Variants in DLG1 observed in about 807,000 individuals in gnomAD.
DLG1 encodes disks large homolog 1.
A neutral mutation model predicts 123.4 loss-of-function variants in DLG1; 42 were observed. The ratio of observed to expected loss-of-function variants is 0.34; its 90% CI spans 0.27 to 0.44. The LOEUF is 0.44. DLG1 is among the 20% of genes least tolerant of loss of function. The pLI is 1.00. For synonymous variants in DLG1, 317 were observed against 356.2 expected (o/e 0.89, Z 1.24); for missense variants, 942 against 1,082.6 (o/e 0.87, Z 1.82).
Position 197,058,705 on chromosome 3 carries a change from C to T in DLG1, c.2483+1184G>A, listed in dbSNP as rs149559543. ...GATGAGTGCAGTGTTTAACAGATGT[C>T]AAATAGGTAAAGTTTTAAATTTGTG... is the stretch of plus-strand genomic sequence containing the variant. On this transcript the variant is annotated intron_variant, in intron 23 of 24. Transcript: ENST00000667157. 6.2e-3 allele frequency among the ~76,000 whole-genome samples: 942 copies of T among 152,294 alleles called. 6 individuals are homozygous for T. The highest frequency in any genetic ancestry group is 0.021 in the South Asian group (103 of 4,828).
At chr3:197,139,387 T>C (rs951826788) in intron 8 of DLG1, among the ~76,000 whole-genome samples, 2 of 152,184 alleles carry the variant, frequency 1.3e-5, no homozygotes, top group African/African-American at 4.8e-5. Flanking sequence ...CAGTGAGAAT[T>C]ATAAAGCTTA....
chr3:197,250,637 CA>C (rs1172867234), intron 4 of DLG1, among the ~76,000 whole-genome samples: 2 of 150,548 alleles, frequency 1.3e-5, no homozygotes, highest in African/African-American at 2.4e-5. Flanking sequence ...ATAATAGCTA[CA>C]AAGAATATAA....
chr3:197,069,486 G>T, intron 18 of DLG1: 1 of 344,674 alleles, frequency 2.9e-6, no homozygotes, highest in Admixed American at 4.7e-5. Context: ...CACAGTTTAT[G>T]AACAAATCTA....
chr3:197,261,224 G>A (rs1759299944), intron 4 of DLG1, among the ~76,000 whole-genome samples: 1 of 152,162 alleles, frequency 6.6e-6, no homozygotes, highest in African/African-American at 2.4e-5. Context: ...CATGGCAGAG[G>A]GATATGCAAC....
chr3:197,060,223 A>G (rs879040471), intron 22 of DLG1, among the ~76,000 whole-genome samples: 1 of 152,244 alleles, frequency 6.6e-6, no homozygotes, highest in Admixed American at 6.5e-5. Context: ...TTTAAAAAGG[A>G]ATGAAAATAC....
chr3:197,267,235 A>G (rs934457593), intron 4 of DLG1, among the ~76,000 whole-genome samples: 1 of 152,250 alleles, frequency 6.6e-6, no homozygotes, highest in Non-Finnish European at 1.5e-5. Flanking sequence ...AGGAAAACCA[A>G]CAGGTCAAAT....
rs1462409075 is a variant in DLG1, at chr3:197,288,553, C to T, written c.152-5708G>A. 7.4e-5 allele frequency among the ~76,000 whole-genome samples: 11 copies of T among 149,176 alleles called. 1 individual carries two copies. Among genetic ancestry groups the T allele is most frequent in the Non-Finnish European group, 1.3e-4 (9 of 67,388 alleles). Reference sequence around the variant, plus strand: ...CCTGACCAACATGAAGAAACCCTGTCTGTATTAAAAATACAAAATTAGCCA... The same window carrying T: ...CCTGACCAACATGAAGAAACCCTGTTTGTATTAAAAATACAAAATTAGCCA... On this transcript the variant is annotated intron_variant, in intron 3 of 24. Coordinates refer to ENST00000667157, the MANE Select transcript of DLG1 (RefSeq NM_001366207.1).
chr3:197,146,493 C>G (rs1167051337), intron 6 of DLG1, among the ~76,000 whole-genome samples: 5 of 152,064 alleles, frequency 3.3e-5, no homozygotes, highest in African/African-American at 1.2e-4. Flanking sequence ...AGAAATAAAG[C>G]CAAATACTTA....
intron 19 of DLG1, among the ~76,000 whole-genome samples, chr3:197,067,353 C>T (rs1740308556): frequency 6.6e-6 from 1 of 151,786 alleles, no homozygotes; most frequent in Admixed American, 6.6e-5. Flanking sequence ...AAACTAAATC[C>T]TTCCAAGAAA....
intron 4 of DLG1, among the ~76,000 whole-genome samples, chr3:197,261,997 T>C (rs1320195865): frequency 2.6e-5 from 4 of 152,218 alleles, no homozygotes; most frequent in Non-Finnish European, 5.9e-5. Context: ...TGGTATAATA[T>C]GAAATATATT....
intron 4 of DLG1, among the ~76,000 whole-genome samples, chr3:197,266,234 G>A (rs979440980): frequency 3.3e-5 from 5 of 152,038 alleles, no homozygotes; most frequent in South Asian, 4.2e-4. Flanking sequence ...AAGGAAACAC[G>A]ATCCAGAGAA....
intron 24 of DLG1, among the ~76,000 whole-genome samples, chr3:197,049,608 T>C (rs1194438194): frequency 2.6e-5 from 4 of 152,106 alleles, no homozygotes; most frequent in Non-Finnish European, 5.9e-5. Flanking sequence ...CAAAATTAGC[T>C]GGGCATGGTG....
chr3:197,297,125 A>G (rs1777815889), intron 2 of DLG1, 61 bp downstream of exon 2: 7 of 1,598,458 alleles, frequency 4.4e-6, no homozygotes, highest in Non-Finnish European at 4.3e-6. Flanking sequence ...ACGGCAATCA[A>G]AAAACTGACA....
chr3:197,275,030 T>G (rs1351813239), intron 4 of DLG1, among the ~76,000 whole-genome samples: 1 of 151,758 alleles, frequency 6.6e-6, no homozygotes, highest in Non-Finnish European at 1.5e-5. Context: ...TAAAAATATT[T>G]AAAAAATTAG....
At chr3:197,259,706 C>T (rs1044127652) in intron 4 of DLG1, among the ~76,000 whole-genome samples, 4 of 152,120 alleles carry the variant, frequency 2.6e-5, no homozygotes, top group Non-Finnish European at 4.4e-5. Flanking sequence ...GCATGCTGCA[C>T]TTTGAACACA....
chr3:197,234,710 T>A (rs1745048339), intron 4 of DLG1, among the ~76,000 whole-genome samples: 1 of 151,636 alleles, frequency 6.6e-6, no homozygotes, highest in Non-Finnish European at 1.5e-5. Context: ...ATAAAAGGGG[T>A]TATATATATA....
chr3:197,277,506 A>G (rs1458612389), intron 4 of DLG1, among the ~76,000 whole-genome samples: 7 of 151,966 alleles, frequency 4.6e-5, no homozygotes, highest in African/African-American at 1.7e-4. Flanking sequence ...ACACCTGGCT[A>G]ATTTTTGTAT....
At chr3:197,136,444 T>C (rs1785089123) in intron 10 of DLG1, 98 bp downstream of exon 10, 1 of 941,646 alleles carries the variant, frequency 1.1e-6, no homozygotes, top group Non-Finnish European at 1.6e-6. Flanking sequence ...AATTTAAACA[T>C]CATTTAGACC....
At chr3:197,163,691 T>G (rs1799853534) in intron 5 of DLG1, among the ~76,000 whole-genome samples, 1 of 56,608 alleles carries the variant, frequency 1.8e-5, no homozygotes, top group African/African-American at 7.6e-5. Flanking sequence ...TCAGCTATTT[T>G]TTTTTTTTTT....
Sources: allele counts gnomAD v4.1 joint callset (sites outside exome capture counted in the v4.1 genomes callset), GRCh38; gene constraint gnomAD v4.1.1; transcripts MANE v1.5; gene names NCBI Gene and HGNC (gene_info 2026-07-23, HGNC 2026-07-21).